Variants in EPHB6 observed in about 807,000 individuals in gnomAD.
The protein encoded by EPHB6 is EPH receptor B6.
EPHB6 carries 51 observed loss-of-function variants against 107.0 expected under a neutral mutation model. The observed-to-expected ratio is 0.48, with a 90% CI of 0.38 to 0.60. The LOEUF (loss-of-function observed/expected upper bound fraction) is 0.60. Among genes scored for constraint, EPHB6 ranks in the 20% least tolerant of loss-of-function variants. EPHB6 has a pLI of 0.00. For missense variants in EPHB6, 1,141 were observed against 1,355.5 expected (o/e 0.84, Z 2.48); for synonymous variants, 553 against 549.0 (o/e 1.01, Z -0.10).
Position 142,866,959 on chromosome 7 carries a change from C to T in EPHB6, c.1641C>T (p.Thr547=), listed in dbSNP as rs746835694. ...FTLTSETNTA[T]VTQLSPGHIY... ...TGACCAGCGAGACCAACACTGCCAC[C>T]GTGACACAGCTGAGCCCTGGCCACA... Residue 547 remains threonine, a synonymous_variant, in exon 11 of 20, where the codon ACC becomes ACT. Transcript: ENST00000652003. This position sits in a 1 kb window ranked among gnomAD's most constrained non-coding sequence, Gnocchi z 5.2. 14 of 1,614,036 alleles carry T rather than the reference C, an allele frequency of 8.7e-6. No individual in the cohort carries two copies. The highest frequency in any genetic ancestry group is 1.6e-4 in the Middle Eastern group (1 of 6,084).
In EPHB6 at chr7:142,870,893, G is replaced by A; in HGVS notation, c.3058G>A (p.Val1020Met). The A allele has an allele frequency of 6.2e-7, 1 of 1,613,338 alleles. No individual in the cohort carries two copies. Among genetic ancestry groups the A allele is most frequent in the Non-Finnish European group, 8.5e-7 (1 of 1,179,906 alleles). ...GCAACACCTGAGGCAGCAGGGCTCA[G>A]TGGAGGTCTGAGAATGACGATACCC... The part of the protein sequence containing the change: ...LQQHLRQQGS[V>M]EV The change falls in exon 20 of 20, where the codon GTG becomes ATG. Residue 1020 changes from valine (V) to methionine (M), a missense_variant. Around this residue, in one of 3 missense-constraint regions of EPHB6, gnomAD observed 616 missense variants for 759.3 expected, o/e 0.81. Coordinates refer to ENST00000652003, the MANE Select transcript of EPHB6 (RefSeq NM_004445.6).
In EPHB6 at chr7:142,867,008, C is replaced by A; in HGVS notation, c.1690C>A (p.Arg564=). The change falls in exon 11 of 20, where the codon CGG becomes AGG. Residue 564 remains arginine, a synonymous_variant. Transcript: ENST00000652003. The surrounding 1 kb of genome is among the most constrained non-coding windows in gnomAD (Gnocchi z 5.3). ...CATCTATGGTTTCCAGGTGCGGGCC[C>A]GGACTGCTGCCGGCCACGGCCCCTA... is the stretch of plus-strand genomic sequence containing the variant. ...GHIYGFQVRA[R]TAAGHGPYGG... is the part of the protein sequence containing the mutation. 6.2e-7 allele frequency: 1 copy of A among 1,614,026 alleles called. No individual in the cohort carries two copies. Among genetic ancestry groups the A allele is most frequent in the Non-Finnish European group, 8.5e-7 (1 of 1,180,000 alleles).
chr7:142,869,818 G>C lies in EPHB6; in HGVS notation c.2462G>C (p.Gly821Ala). ...TTTGCTTTTGACTTTACCCCTCAGG[G>C]CCCAAGTTGTTTGCTTCGCTGGGCA... ...KVARLGHSPQ[G>A]PSCLLRWAAP... Residue 821 changes from glycine to alanine, a missense_variant and splice_region_variant, in exon 17 of 20, where the codon GGC (glycine) becomes GCC (alanine). Gly to Ala is a moderately conservative substitution (Grantham distance 60). Transcript: ENST00000652003. The surrounding 1 kb of genome is among the most constrained non-coding windows in gnomAD (Gnocchi z 4.5). 1 of 1,614,182 alleles carries C rather than the reference G, an allele frequency of 6.2e-7. No homozygotes were observed. The highest frequency in any genetic ancestry group is 1.1e-5 in the South Asian group (1 of 91,084).
rs1268687534 is a variant in EPHB6 at position 142,855,385 on chromosome 7, G to A, written c.-432G>A. On this transcript the variant is annotated splice_region_variant and 5_prime_UTR_variant, in exon 1 of 20. Coordinates refer to ENST00000652003, the MANE Select transcript of EPHB6 (RefSeq NM_004445.6). This position sits in a 1 kb window ranked among gnomAD's most constrained non-coding sequence, Gnocchi z 4.2. ...CTGCAGAGACTGCGGCCAACGGGAAGGTGAGCCCGCGGGGTTAGCAGGCGG... is the reference window on the plus strand; with the variant it reads ...CTGCAGAGACTGCGGCCAACGGGAAAGTGAGCCCGCGGGGTTAGCAGGCGG... The A allele has an allele frequency of 6.6e-6, 1 of 152,460 alleles. No individual in the cohort carries two copies. Among genetic ancestry groups the A allele is most frequent in the Non-Finnish European group, 1.5e-5 (1 of 68,246 alleles). The allele number at this position is 152,460 out of a possible 1,614,324, so 9.4% of individuals were successfully genotyped here.
Position 142,870,421 on chromosome 7 carries a change from G to T in EPHB6, c.2804+14G>T, listed in dbSNP as rs1446027673. On this transcript the variant is annotated intron_variant, in intron 18 of 19. Transcript: ENST00000652003. ...CCCAGGGGAAAGGTCTGGAGCTTGG[G>T]GCTAGAGCCTGGGAAAGCCAGGGAG... 6.2e-7 allele frequency: 1 copy of T among 1,613,952 alleles called. No individual in the cohort carries two copies. The highest frequency in any genetic ancestry group is 2.2e-5 in the East Asian group (1 of 44,872).
At chr7:142,865,835 C>G (rs1803130044) in intron 8 of EPHB6, 125 bp from the exon 9 acceptor site, 2 of 1,180,900 alleles carry the variant, frequency 1.7e-6, no homozygotes, top group East Asian at 4.9e-5. Context: ...CTGGGCTACC[C>G]CCACCCCACG....
Position 142,868,694 on chromosome 7 carries a change from G to A in EPHB6, c.2241G>A (p.Val747=), listed in dbSNP as rs1563347219. The change falls in exon 15 of 20, where the codon GTG becomes GTA. Residue 747 remains valine (V), a synonymous_variant. Transcript: ENST00000652003. The surrounding 1 kb of genome is among the most constrained non-coding windows in gnomAD (Gnocchi z 4.2). ...GVVTKSRPLM[V]LTEFMELGPL... Reference sequence around the variant, plus strand: ...TCACCAAGAGCCGACCCCTCATGGTGCTGACGGAGTTCATGGAGCTTGGCC... The same window carrying A: ...TCACCAAGAGCCGACCCCTCATGGTACTGACGGAGTTCATGGAGCTTGGCC... 6.2e-7 allele frequency: 1 copy of A among 1,613,976 alleles called. No individual in the cohort carries two copies. The highest frequency in any genetic ancestry group is 1.7e-5 in the Admixed American group (1 of 60,028).
chr7:142,863,044 G>C, intron 4 of EPHB6, 83 bp from the exon 5 acceptor site: 1 of 605,220 alleles, frequency 1.7e-6, no homozygotes, highest in Non-Finnish European at 2.9e-6. Flanking sequence ...ACACAGACAC[G>C]GGGTCAGCTT....
rs767285594 is a variant in EPHB6, at chr7:142,868,751, C to T, written c.2286+12C>T. 6.2e-7 allele frequency: 1 copy of T among 1,613,842 alleles called. No homozygotes were observed. Among genetic ancestry groups the T allele is most frequent in the South Asian group, 1.1e-5 (1 of 91,082 alleles). On this transcript the variant is annotated intron_variant, in intron 15 of 19. Coordinates refer to ENST00000652003, the MANE Select transcript of EPHB6 (RefSeq NM_004445.6). This position sits in a 1 kb window ranked among gnomAD's most constrained non-coding sequence, Gnocchi z 4.2. ...ACAGCTTCCTCAGGGTCAGTCCAGC[C>T]TGGGTGAAGGAGGAGGGTCCTTGGG...
At chr7:142,865,676 G>A (rs1253089487) in intron 8 of EPHB6, 46 bp downstream of exon 8, 1 of 1,605,096 alleles carries the variant, frequency 6.2e-7, no homozygotes, top group Admixed American at 1.7e-5. Flanking sequence ...ACTTGGAGAG[G>A]GGCCAGAAGT....
Position 142,867,887 on chromosome 7 carries a change from C to A in EPHB6, c.1866-110C>A, listed in dbSNP as rs1794688590. On this transcript the variant is annotated intron_variant, in intron 12 of 19. Transcript: ENST00000652003. This position sits in a 1 kb window ranked among gnomAD's most constrained non-coding sequence, Gnocchi z 5.3. ...CGTGGAGATGGGCAGGAGGGCCAGG[C>A]TGTCGTCCCCCCTCCACAGACCGAC... is the stretch of plus-strand genomic sequence containing the variant. 1.3e-6 allele frequency: 2 copies of A among 1,495,412 alleles called. No individual in the cohort carries two copies. Among genetic ancestry groups the A allele is most frequent in the Non-Finnish European group, 1.8e-6 (2 of 1,098,536 alleles). 92.6% of individuals were successfully genotyped at this position (1,495,412 alleles called of 1,614,324 possible). A position where few individuals can be genotyped will look rare whatever the true frequency, so the allele number is the denominator to read the frequency against.
rs1794817895 is a variant in EPHB6 at position 142,869,956 on chromosome 7, G to A, written c.2600G>A (p.Ser867Asn). Residue 867 changes from serine (S) to asparagine (N), a missense_variant, in exon 17 of 20, where the codon AGT (serine) becomes AAT (asparagine). Around this residue, in one of 3 missense-constraint regions of EPHB6, gnomAD observed 616 missense variants for 759.3 expected, o/e 0.81. Coordinates refer to ENST00000652003, the MANE Select transcript of EPHB6 (RefSeq NM_004445.6). The surrounding 1 kb of genome is among the most constrained non-coding windows in gnomAD (Gnocchi z 4.5). ...SYGERPYWDM[S>N]EQEVLNAIEQ... is the part of the protein sequence containing the mutation. ...GGAGAACGGCCTTACTGGGACATGA[G>A]TGAGCAGGAGGTGAGCACTGACCTA... is the stretch of plus-strand genomic sequence containing the variant. 1 of 1,614,166 alleles carries A rather than the reference G, an allele frequency of 6.2e-7. No homozygotes were observed. Among genetic ancestry groups the A allele is most frequent in the South Asian group, 1.1e-5 (1 of 91,062 alleles).
rs751577186 is a variant in EPHB6, at chr7:142,865,967, A to C, written c.1113A>C (p.Pro371=). The C allele has an allele frequency of 1.1e-5, 17 of 1,613,446 alleles. No individual in the cohort carries two copies. Among genetic ancestry groups the C allele is most frequent in the Non-Finnish European group, 3.4e-6 (4 of 1,179,968 alleles). Reference sequence around the variant, plus strand: ...TATCCTCCGGCCCCCCAGGTCCTCCATCGGCTCCCCAGGAGCTTTGGTTTG... The same window carrying C: ...TATCCTCCGGCCCCCCAGGTCCTCCCTCGGCTCCCCAGGAGCTTTGGTTTG... ...DPPEAPCTGP[P]SAPQELWFEV... is the part of the protein sequence containing the mutation. The change falls in exon 9 of 20, where the codon CCA becomes CCC. Residue 371 remains proline (P), a synonymous_variant. Coordinates refer to ENST00000652003, the MANE Select transcript of EPHB6 (RefSeq NM_004445.6).
At chr7:142,858,919 T>C (rs1362578796) in intron 1 of EPHB6, among the ~76,000 whole-genome samples, 4 of 152,212 alleles carry the variant, frequency 2.6e-5, no homozygotes, top group African/African-American at 7.2e-5. Context: ...GATATATCTA[T>C]AAAAGAAGCT....
At chr7:142,863,917 C>A (rs781458189) in intron 6 of EPHB6, 49 bp from the exon 7 acceptor site, 1 of 1,613,318 alleles carries the variant, frequency 6.2e-7, no homozygotes, top group Non-Finnish European at 8.5e-7. Flanking sequence ...CTCTACCTCG[C>A]CGTGCTTAAG....
At chr7:142,858,585 G>A (rs1169848553) in intron 1 of EPHB6, among the ~76,000 whole-genome samples, 105 of 145,922 alleles carry the variant, frequency 7.2e-4, no homozygotes, top group Middle Eastern at 3.4e-3. Context: ...ACAGGCACAC[G>A]CCACCACGCC....
chr7:142,869,239 T>G lies in EPHB6; in HGVS notation c.2460+92T>G. On this transcript the variant is annotated intron_variant, in intron 16 of 19. Coordinates refer to ENST00000652003, the MANE Select transcript of EPHB6 (RefSeq NM_004445.6). The surrounding 1 kb of genome is among the most constrained non-coding windows in gnomAD (Gnocchi z 4.5). ...GGGGTGAGCTGGAATCTGGGGTAGG[T>G]ACCTCAGCCGGGGTGTCATAGTCCC... 1 of 1,445,232 alleles carries G rather than the reference T, an allele frequency of 6.9e-7. No individual in the cohort carries two copies. Among genetic ancestry groups the G allele is most frequent in the Non-Finnish European group, 9.6e-7 (1 of 1,045,760 alleles). The allele number at this position is 1,445,232 out of a possible 1,614,324, so 89.5% of individuals were successfully genotyped here. A position where few individuals can be genotyped will look rare whatever the true frequency, so the allele number is the denominator to read the frequency against.
chr7:142,864,845 A>C (rs759897438), intron 7 of EPHB6, 96 bp downstream of exon 7: 322 of 1,473,706 alleles, frequency 2.2e-4, no homozygotes, highest in Non-Finnish European at 2.2e-4. Context: ...TTTTATCTGC[A>C]AAAGGTCAGG....
rs1397195405 is a variant in EPHB6, at chr7:142,863,221, A to G, written c.-7A>G. The G allele has an allele frequency of 6.2e-7, 1 of 1,613,888 alleles. No homozygotes were observed. The highest frequency in any genetic ancestry group is 1.7e-5 in the Admixed American group (1 of 59,988). ...TGGGGCGATGGTGGACGCCCTGAAG[A>G]TGTCCCATGGCTACTGAAGGGGCTG... On this transcript the variant is annotated 5_prime_UTR_variant, in exon 5 of 20. It removes an upstream start codon present in the reference 5' UTR. Transcript: ENST00000652003.
Sources: allele counts gnomAD v4.1 joint callset (sites outside exome capture counted in the v4.1 genomes callset), GRCh38; gene constraint gnomAD v4.1.1; regional missense constraint gnomAD v4.1.1; non-coding constraint Gnocchi (gnomAD v3.1); transcripts MANE v1.5; gene names NCBI Gene and HGNC (gene_info 2026-07-23, HGNC 2026-07-21).